The following PRKCB variants were observed in gnomAD, a reference collection of about 807,000 sequenced individuals.
PRKCB encodes the protein protein kinase C beta type.
Under a neutral mutation model 81.5 loss-of-function variants are expected in PRKCB, and 13 were observed. That is an observed-to-expected ratio of 0.16 (90% CI 0.10 to 0.25). The LOEUF (loss-of-function observed/expected upper bound fraction) is 0.25, where lower values mean the gene tolerates loss of function less well. Among genes scored for constraint, PRKCB ranks in the 10% least tolerant of loss-of-function variants. The pLI is 1.00. For missense variants in PRKCB, 509 were observed against 875.7 expected, an observed-to-expected ratio of 0.58 and a Z score of 5.29; for synonymous variants, 335 against 321.4, an observed-to-expected ratio of 1.04 and a Z score of -0.45.
Position 24,219,898 on chromosome 16 carries a change from C to G in PRKCB, c.*5082C>G, listed in dbSNP as rs1231063744. 1.9e-6 allele frequency: 3 copies of G among 1,570,958 alleles called. No homozygotes were observed. Among genetic ancestry groups the G allele is most frequent in the Non-Finnish European group, 2.6e-6 (3 of 1,156,376 alleles). The stretch of plus-strand genomic sequence containing the variant: ...ATGGTATCAGCCACCCAATGACTGG[C>G]GTATCTTGGTCCTGTGTCTTTCTTC... On this transcript the variant is annotated 3_prime_UTR_variant, in exon 17 of 17. Transcript: ENST00000643927.
chr16:24,028,980 A>T (rs1037979933), intron 3 of PRKCB, among the ~76,000 whole-genome samples: 1 of 150,278 alleles, frequency 6.7e-6, no homozygotes, highest in Non-Finnish European at 1.5e-5. Context: ...TAATAGAGAC[A>T]GGGTTCCTCC....
intron 2 of PRKCB, among the ~76,000 whole-genome samples, chr16:23,909,652 A>G (rs186398878): frequency 2.1e-4 from 32 of 152,182 alleles, no homozygotes; most frequent in African/African-American, 7.7e-4. Flanking sequence ...TCCACACTCT[A>G]TGTCCGTGCA....
Position 24,218,858 on chromosome 16 carries a change from T to G in PRKCB, c.*4042T>G. ...GTCTTGTAATAAAACAGCCATGGGG[T>G]TGTCCCTCCAGTCCGAGAGACTGTG... is the stretch of plus-strand genomic sequence containing the variant. On this transcript the variant is annotated 3_prime_UTR_variant, in exon 17 of 17. Transcript: ENST00000643927. The G allele has an allele frequency of 1.0e-6, 1 of 985,382 alleles. No individual in the cohort carries two copies. The highest frequency in any genetic ancestry group is 1.7e-5 in the African/African-American group (1 of 57,320). The allele number at this position is 985,382 out of a possible 1,614,324, so 61.0% of individuals were successfully genotyped here. A position where few individuals can be genotyped will look rare whatever the true frequency, so the allele number is the denominator to read the frequency against.
intron 8 of PRKCB, among the ~76,000 whole-genome samples, chr16:24,114,790 T>C (rs1966717281): frequency 6.6e-6 from 1 of 152,072 alleles, no homozygotes; most frequent in Non-Finnish European, 1.5e-5. Context: ...AAAATGTATA[T>C]AATAGCATAG....
intron 11 of PRKCB, chr16:24,174,179 T>C (rs1164202900): frequency 5.1e-6 from 1 of 194,752 alleles, no homozygotes; most frequent in Non-Finnish European, 1.1e-5. Context: ...CCAGTTATTT[T>C]TTTTCTTTTA....
At chr16:23,860,102 C>T (rs956046980) in intron 2 of PRKCB, among the ~76,000 whole-genome samples, 2 of 151,968 alleles carry the variant, frequency 1.3e-5, no homozygotes, top group Non-Finnish European at 2.9e-5. Context: ...ATCTCATGAC[C>T]CCAGGCAAAT....
chr16:24,117,203 C>G (rs1966745801), intron 8 of PRKCB, among the ~76,000 whole-genome samples: 1 of 152,218 alleles, frequency 6.6e-6, no homozygotes, highest in Non-Finnish European at 1.5e-5. Flanking sequence ...TCAGAAATTA[C>G]TTTCAAGCCT....
Position 23,952,242 on chromosome 16 carries a change from C to A in PRKCB, c.206-36266C>A, listed in dbSNP as rs80031061. On this transcript the variant is annotated intron_variant, in intron 2 of 16. Transcript: ENST00000643927. ...CGTGGCTCAGCTGACATTTCAAAAG[C>A]CCTGAGCAGAGAAGCCCCCCTCATT... is the stretch of plus-strand genomic sequence containing the variant. Among the ~76,000 whole-genome samples, 493 of 152,298 alleles carry A rather than the reference C, an allele frequency of 3.2e-3. 1 individual carries two copies. Among genetic ancestry groups the A allele is most frequent in the Non-Finnish European group, 5.1e-3 (347 of 68,022 alleles).
At chr16:23,951,579 C>CTTTT (rs11354474) in intron 2 of PRKCB, among the ~76,000 whole-genome samples, 5 of 97,568 alleles carry the variant, frequency 5.1e-5, no homozygotes, top group African/African-American at 1.6e-4. Context: ...CTATGCCAGG[C>CTTTT]TTTTTTTTTT....
chr16:24,151,970 C>T, intron 9 of PRKCB: 1 of 449,624 alleles, frequency 2.2e-6, no homozygotes, highest in Non-Finnish European at 4.5e-6. Context: ...ATCATGACTG[C>T]ATCTGCACTG....
At position 24,045,946 on chromosome 16, in the gene PRKCB, G is replaced by A. The variant is rs77596967; in HGVS notation, c.529+10399G>A. Among the ~76,000 whole-genome samples the A allele has an allele frequency of 5.2e-3, 791 of 152,350 alleles. 17 individuals carry two copies. In the East Asian group the frequency reaches 0.08, roughly 15 times the overall value. ...AACCTCCAGCCCCGCGTTGGCCATG[G>A]CATCTTACCAGTCATGAAGCTCGGG... On this transcript the variant is annotated intron_variant, in intron 5 of 16. Transcript: ENST00000643927.
intron 10 of PRKCB, among the ~76,000 whole-genome samples, chr16:24,157,705 G>A (rs960097914): frequency 6.7e-6 from 1 of 148,716 alleles, no homozygotes; most frequent in African/African-American, 2.5e-5. Flanking sequence ...TCACCTCCAT[G>A]CTAGTCATGA....
intron 5 of PRKCB, among the ~76,000 whole-genome samples, chr16:24,064,705 C>G (rs955062903): frequency 1.3e-5 from 2 of 151,754 alleles, no homozygotes; most frequent in Non-Finnish European, 2.9e-5. Flanking sequence ...GGGTTTTTTT[C>G]CTTTCAGTTT....
rs151179170 is a variant in PRKCB, at chr16:23,873,658, C to T, written c.205+36252C>T. Among the ~76,000 whole-genome samples the T allele has an allele frequency of 4.2e-3, 638 of 152,308 alleles. 2 individuals are homozygous for T. The highest frequency in any genetic ancestry group is 0.014 in the African/African-American group (582 of 41,556). On this transcript the variant is annotated intron_variant, in intron 2 of 16. Transcript: ENST00000643927. Reference sequence around the variant, plus strand: ...CAAACTTCTGGGATAATCTGATTGCCCTTCATTGAGTCAGAAGCCAGTGGA... The same window carrying T: ...CAAACTTCTGGGATAATCTGATTGCTCTTCATTGAGTCAGAAGCCAGTGGA...
intron 2 of PRKCB, among the ~76,000 whole-genome samples, chr16:23,970,543 C>A (rs1220190296): frequency 1.3e-5 from 2 of 152,236 alleles, no homozygotes; most frequent in African/African-American, 2.4e-5. Context: ...TTTTTACTTT[C>A]ATTCAGCCTT....
At chr16:23,960,631 C>G (rs553576350) in intron 2 of PRKCB, among the ~76,000 whole-genome samples, 2 of 152,304 alleles carry the variant, frequency 1.3e-5, no homozygotes, top group South Asian at 4.1e-4. Flanking sequence ...CCTCTTCCCT[C>G]CCCACTCTGA....
At chr16:24,125,323 G>C (rs577881464) in intron 9 of PRKCB, among the ~76,000 whole-genome samples, 2 of 151,134 alleles carry the variant, frequency 1.3e-5, no homozygotes, top group African/African-American at 4.9e-5. Context: ...TCTGGCCCTT[G>C]TTCTCTGTGT....
intron 1 of PRKCB, among the ~76,000 whole-genome samples, chr16:23,836,769 G>GGGT (rs1555477160): frequency 1.1e-4 from 1 of 9,358 alleles, no homozygotes; most frequent in African/African-American, 4.1e-4. Flanking sequence ...CCTTGTTTCC[G>GGGT]GGGGGGGCGG....
At chr16:24,057,640 G>C (rs559827618) in intron 5 of PRKCB, among the ~76,000 whole-genome samples, 1 of 152,248 alleles carries the variant, frequency 6.6e-6, no homozygotes, top group South Asian at 2.1e-4. Context: ...TAATGGAGTA[G>C]GAAGCACATG....
Sources: gnomAD v4.1 joint callset for allele counts (sites outside exome capture counted in the v4.1 genomes callset) on GRCh38, gnomAD v4.1.1 for gene constraint, MANE v1.5 for transcripts, NCBI Gene and HGNC (gene_info 2026-07-23, HGNC 2026-07-21) for gene names.